Variants in ANKFN1 observed in about 807,000 individuals in gnomAD.
ANKFN1 encodes the protein ankyrin repeat and fibronectin type III domain containing 1, also known as ankyrin repeat and fibronectin type-III domain-containing protein 1.
ANKFN1 carries 74 observed loss-of-function variants against 108.7 expected under a neutral mutation model. The observed-to-expected ratio is 0.68, with a 90% CI of 0.56 to 0.83. The LOEUF (loss-of-function observed/expected upper bound fraction) is 0.83, where lower values mean the gene tolerates loss of function less well. Ranked by LOEUF, ANKFN1 falls within the 40% of genes least tolerant of loss-of-function variation. ANKFN1 has a pLI of 0.00. For missense variants in ANKFN1, 1,505 were observed against 1,382.3 expected, an observed-to-expected ratio of 1.09 and a Z score of -1.41; for synonymous variants, 547 against 516.2, an observed-to-expected ratio of 1.06 and a Z score of -0.81.
intron 3 of ANKFN1, among the ~76,000 whole-genome samples, chr17:56,283,538 T>TATATATATATATATATATATATATA (rs1263196279): frequency 5.3e-5 from 8 of 150,144 alleles, no homozygotes; most frequent in African/African-American, 1.5e-4. Context: ...TATATATATA[T>TATATATATATATATATATATATATA]GATGGAATAC....
At chr17:56,376,409 C>A (rs372234850) in intron 8 of ANKFN1, among the ~76,000 whole-genome samples, 1 of 152,302 alleles carries the variant, frequency 6.6e-6, no homozygotes, top group South Asian at 2.1e-4. Context: ...GATGGCCCCC[C>A]ACAGCCATCC....
intron 8 of ANKFN1, among the ~76,000 whole-genome samples, chr17:56,433,690 AG>A (rs1238346961): frequency 1.3e-5 from 2 of 152,158 alleles, no homozygotes; most frequent in Non-Finnish European, 2.9e-5. Flanking sequence ...AAGGGCGGGA[AG>A]GGGGTGAGGG....
intron 3 of ANKFN1, among the ~76,000 whole-genome samples, chr17:56,252,784 G>T (rs1246871942): frequency 6.6e-6 from 1 of 150,382 alleles, no homozygotes; most frequent in Admixed American, 6.7e-5. Flanking sequence ...GATGGACCAG[G>T]TATGGTGGCT....
At chr17:56,407,275 TA>T (rs1316201006) in intron 8 of ANKFN1, among the ~76,000 whole-genome samples, 1 of 152,062 alleles carries the variant, frequency 6.6e-6, no homozygotes, top group Non-Finnish European at 1.5e-5. Context: ...GACGTAGGAG[TA>T]GTAGCAGTAA....
At chr17:56,113,101 G>T (rs1206919675) in intron 4 of ANKFN1, among the ~76,000 whole-genome samples, 1 of 152,110 alleles carries the variant, frequency 6.6e-6, no homozygotes, top group African/African-American at 2.4e-5. Flanking sequence ...TACACTGTGT[G>T]ATGGTGTGTG....
At chr17:56,467,852 A>AAG (rs1175301331) in intron 15 of ANKFN1, among the ~76,000 whole-genome samples, 3,758 of 22,118 alleles carry the variant, frequency 0.17, 312 homozygotes, top group African/African-American at 0.36. Flanking sequence ...GAAAGAAAGA[A>AAG]AAAGGGAAAG....
At chr17:56,268,167 C>G (rs141311942) in intron 3 of ANKFN1, among the ~76,000 whole-genome samples, 2,623 of 152,234 alleles carry the variant, frequency 0.017, 43 homozygotes, top group South Asian at 0.04. Context: ...TTAAAACTCA[C>G]CACACGCTTG....
intron 3 of ANKFN1, among the ~76,000 whole-genome samples, chr17:56,302,003 A>G (rs545961592): frequency 4.7e-4 from 71 of 152,340 alleles, no homozygotes; most frequent in Non-Finnish European, 8.5e-4. Context: ...GCAGGAATTT[A>G]CTTTATAGAT....
intron 3 of ANKFN1, among the ~76,000 whole-genome samples, chr17:56,303,553 A>C (rs2044731482): frequency 6.6e-6 from 1 of 152,254 alleles, no homozygotes; most frequent in African/African-American, 2.4e-5. Flanking sequence ...AGGAGGTTAA[A>C]CCAGACTATT....
At chr17:56,416,737 CA>C (rs1183355864) in intron 8 of ANKFN1, among the ~76,000 whole-genome samples, 1 of 152,170 alleles carries the variant, frequency 6.6e-6, no homozygotes, top group Non-Finnish European at 1.5e-5. Flanking sequence ...ATCAGTGTAT[CA>C]AAAAGATATG....
At chr17:56,072,038 G>T (rs6505030) in intron 4 of ANKFN1, among the ~76,000 whole-genome samples, 122,398 of 152,200 alleles carry the variant, frequency 0.8, 50,055 homozygotes, top group African/African-American at 0.93. Context: ...TGGTTGCTGC[G>T]CCCTTGCAAT....
intron 4 of ANKFN1, among the ~76,000 whole-genome samples, chr17:56,065,424 T>C (rs1905044410): frequency 6.6e-6 from 1 of 152,212 alleles, no homozygotes; most frequent in Admixed American, 6.5e-5. Context: ...TTAAGAACTT[T>C]TCTTTTACAT....
At chr17:56,157,969 G>A (rs534918188) in intron 1 of ANKFN1, among the ~76,000 whole-genome samples, 35 of 152,252 alleles carry the variant, frequency 2.3e-4, no homozygotes, top group Non-Finnish European at 4.0e-4. Context: ...TGTATTTCTT[G>A]GCACTCATAA....
intron 15 of ANKFN1, among the ~76,000 whole-genome samples, chr17:56,467,828 AAGAAAGAAAGAAAGAAAG>A (rs2050173144): frequency 2.1e-5 from 1 of 46,572 alleles, no homozygotes; most frequent in African/African-American, 1.2e-4. Flanking sequence ...GAAAGAAAGA[AAGAAAGAAAGAAAGAAAG>A]AAAGAAAAAG....
intron 2 of ANKFN1, among the ~76,000 whole-genome samples, chr17:56,217,529 A>C (rs1915509194): frequency 6.6e-6 from 1 of 152,166 alleles, no homozygotes; most frequent in African/African-American, 2.4e-5. Context: ...TTTTGTTGTC[A>C]CAAATGGCGA....
intron 3 of ANKFN1, among the ~76,000 whole-genome samples, chr17:56,228,960 TTC>T (rs1394635341): frequency 1.3e-5 from 2 of 152,132 alleles, no homozygotes; most frequent in Admixed American, 1.3e-4. Flanking sequence ...TTCTAATAAA[TTC>T]TCTTTTGAAT....
chr17:56,304,493 T>G (rs1048082691), intron 3 of ANKFN1, among the ~76,000 whole-genome samples: 21 of 152,190 alleles, frequency 1.4e-4, no homozygotes, highest in African/African-American at 5.1e-4. Flanking sequence ...TCCTTATTTC[T>G]CTGGGATAAA....
chr17:56,153,498 C>G lies in ANKFN1; in HGVS notation c.-103C>G. The G allele has an allele frequency of 6.2e-7, 1 of 1,614,076 alleles. No homozygotes were observed. Among genetic ancestry groups the G allele is most frequent in the Non-Finnish European group, 8.5e-7 (1 of 1,179,936 alleles). ...TCCTCTTTCAACTCAAGAGCTCAGTCCTGTGTCTCTCATGGAGGCGTCTCT... is the reference window on the plus strand; with the variant it reads ...TCCTCTTTCAACTCAAGAGCTCAGTGCTGTGTCTCTCATGGAGGCGTCTCT... On this transcript the variant is annotated 5_prime_UTR_variant, in exon 1 of 21. Transcript: ENST00000682825.
chr17:56,372,741 G>A lies in ANKFN1; in HGVS notation c.697G>A (p.Gly233Arg). 1 of 1,613,932 alleles carries A rather than the reference G, an allele frequency of 6.2e-7. No individual in the cohort carries two copies. Among genetic ancestry groups the A allele is most frequent in the Non-Finnish European group, 8.5e-7 (1 of 1,179,870 alleles). The change falls in exon 7 of 21, where the codon GGA (glycine) becomes AGA (arginine). Residue 233 changes from glycine (G) to arginine (R), a missense_variant. Coordinates refer to ENST00000682825, the MANE Select transcript of ANKFN1 (RefSeq NM_001370326.1). ...ACTGTCTGCCCAGGTGGAGAATGAAGGATTCACTCTGGACAACACAGAGAA... is the reference window on the plus strand; with the variant it reads ...ACTGTCTGCCCAGGTGGAGAATGAAAGATTCACTCTGGACAACACAGAGAA... ...SELSAQVENE[G>R]FTLDNTEKEK...
Sources: gnomAD v4.1 joint callset for allele counts (sites outside exome capture counted in the v4.1 genomes callset) on GRCh38, gnomAD v4.1.1 for gene constraint, MANE v1.5 for transcripts, NCBI Gene and HGNC (gene_info 2026-07-23, HGNC 2026-07-21) for gene names.